GATA4: variants seen among roughly 807,000 people sequenced by gnomAD.
GATA4 encodes the protein transcription factor GATA-4.
Under a neutral mutation model 37.9 loss-of-function variants are expected in GATA4, and 7 were observed. The observed-to-expected ratio is 0.18, with a 90% CI of 0.11 to 0.35. GATA4 has a LOEUF of 0.35. GATA4 is among the 10% of genes least tolerant of loss of function. The probability of loss-of-function intolerance (pLI) is 1.00; values close to 1 mark genes in which losing one functional copy is unlikely to be tolerated. For missense variants in GATA4, 647 were observed against 653.0 expected, an observed-to-expected ratio of 0.99 and a Z score of 0.10; for synonymous variants, 372 against 292.6, an observed-to-expected ratio of 1.27 and a Z score of -2.77.
At chr8:11,755,235 G>C (rs1442695144) in intron 5 of GATA4, 102 bp downstream of exon 5, 2 of 917,980 alleles carry the variant, frequency 2.2e-6, no homozygotes, top group Non-Finnish European at 3.5e-6. Context: ...CGGGCCGCCA[G>C]GGGGTGGTGA....
intron 2 of GATA4, 37 bp from the exon 3 acceptor site, chr8:11,748,879 C>G: frequency 6.2e-7 from 1 of 1,606,248 alleles, no homozygotes; most frequent in Non-Finnish European, 8.5e-7. Context: ...AAGAATTAAT[C>G]CTCTGTGTCT....
Position 11,738,903 on chromosome 8 carries a change from C to G in GATA4, c.617-10013C>G, listed in dbSNP as rs974499460. ...ATCCAGGACCAGTGCCAGACTTTGT[C>G]CACAGCGTGACTGGAAAGCTCTTCA... On this transcript the variant is annotated intron_variant, in intron 2 of 6. Transcript: ENST00000532059. 4.6e-5 allele frequency among the ~76,000 whole-genome samples: 7 copies of G among 152,316 alleles called. No individual in the cohort carries two copies. The South Asian group carries it at 1.2e-3, about 27-fold the overall frequency.
chr8:11,737,006 C>G (rs998340625), intron 2 of GATA4, among the ~76,000 whole-genome samples: 3 of 151,932 alleles, frequency 2.0e-5, no homozygotes, highest in African/African-American at 7.3e-5. Flanking sequence ...CTAAACAGAT[C>G]CCTTGCAACT....
chr8:11,683,899 C>A (rs1255017694), intron 1 of GATA4, among the ~76,000 whole-genome samples: 1 of 152,230 alleles, frequency 6.6e-6, no homozygotes, highest in Non-Finnish European at 1.5e-5. Context: ...CCATTTGAAA[C>A]TGGCTCTGTG....
chr8:11,739,270 C>A (rs1217672335), intron 2 of GATA4, among the ~76,000 whole-genome samples: 2 of 152,250 alleles, frequency 1.3e-5, no homozygotes, highest in African/African-American at 4.8e-5. Flanking sequence ...AATAAACCAA[C>A]TCCAATTTCC....
intron 4 of GATA4, among the ~76,000 whole-genome samples, chr8:11,751,705 T>C (rs995605307): frequency 6.6e-6 from 1 of 152,326 alleles, no homozygotes; most frequent in Non-Finnish European, 1.5e-5. Flanking sequence ...ATGAAACATG[T>C]GCACATATGC....
At chr8:11,702,061 G>T (rs370657622), upstream of GATA4, among the ~76,000 whole-genome samples, 303 of 152,338 alleles carry the variant, frequency 2.0e-3, 18 homozygotes, top group South Asian at 0.059. The surrounding 1 kb of genome is among the most constrained non-coding windows in gnomAD (Gnocchi z 4.4). Flanking sequence ...AGAGCAGGGG[G>T]TTGAAGTTTA....
intron 2 of GATA4, among the ~76,000 whole-genome samples, chr8:11,724,867 G>T (rs1174044460): frequency 6.6e-5 from 10 of 152,194 alleles, no homozygotes. Flanking sequence ...AGGCCAAATA[G>T]GGAAGGAAGG....
At chr8:11,678,869 GA>G (rs1433680069) in intron 1 of GATA4, among the ~76,000 whole-genome samples, 3 of 151,776 alleles carry the variant, frequency 2.0e-5, no homozygotes, top group African/African-American at 7.3e-5. Context: ...TCTCAAGTTC[GA>G]TTAGGGGGGA....
At chr8:11,706,901 C>T (rs1054714617) in intron 1 of GATA4, among the ~76,000 whole-genome samples, 5 of 152,166 alleles carry the variant, frequency 3.3e-5, no homozygotes, top group Admixed American at 1.3e-4. Context: ...ATTCAGACAG[C>T]AGGTAATTCA....
chr8:11,680,373 G>T, intron 1 of GATA4: 1 of 557,758 alleles, frequency 1.8e-6, no homozygotes, highest in Non-Finnish European at 2.3e-6. Context: ...TAACTAACCA[G>T]GCCCCTCGGA....
At chr8:11,693,929 G>C (rs893660022) in intron 1 of GATA4, among the ~76,000 whole-genome samples, 1 of 152,222 alleles carries the variant, frequency 6.6e-6, no homozygotes, top group African/African-American at 2.4e-5. Context: ...GTGTGCATGT[G>C]TGTGCATGTG....
chr8:11,723,215 G>A (rs1279162832), intron 2 of GATA4, among the ~76,000 whole-genome samples: 11 of 152,032 alleles, frequency 7.2e-5, no homozygotes, highest in African/African-American at 2.4e-5. Context: ...AAATTAGGCA[G>A]GGGTGGTGGC....
At chr8:11,732,658 C>A (rs1194487307) in intron 2 of GATA4, among the ~76,000 whole-genome samples, 1 of 152,134 alleles carries the variant, frequency 6.6e-6, no homozygotes. Flanking sequence ...GGAAGAGGAG[C>A]CGACGGAATT....
upstream of GATA4, chr8:11,692,115 C>T (rs972648733): frequency 3.4e-6 from 3 of 883,086 alleles, no homozygotes; most frequent in Non-Finnish European, 2.7e-6. Context: ...GGCAGGAGCT[C>T]GGGCCACCTG....
At chr8:11,745,887 A>G (rs1802006103) in intron 2 of GATA4, among the ~76,000 whole-genome samples, 1 of 152,236 alleles carries the variant, frequency 6.6e-6, no homozygotes, top group Non-Finnish European at 1.5e-5. Context: ...AGGTACAGGT[A>G]AGACAAGATT....
At chr8:11,742,123 G>C (rs1277402638) in intron 2 of GATA4, among the ~76,000 whole-genome samples, 1 of 152,186 alleles carries the variant, frequency 6.6e-6, no homozygotes, top group African/African-American at 2.4e-5. Context: ...GACCAGGCAG[G>C]TGTGGAGGTG....
chr8:11,692,760 G>T, intron 1 of GATA4: 4 of 982,742 alleles, frequency 4.1e-6, no homozygotes, highest in Non-Finnish European at 4.8e-6. Context: ...GCGGACGGAC[G>T]GGGGGCGGGA....
intron 2 of GATA4, among the ~76,000 whole-genome samples, chr8:11,742,707 G>A (rs1336332057): frequency 3.3e-5 from 5 of 152,252 alleles, no homozygotes; most frequent in East Asian, 1.9e-4. Flanking sequence ...CGAGCCTGAC[G>A]AAGCCCAGAA....
Sources: gnomAD v4.1 joint callset for allele counts (sites outside exome capture counted in the v4.1 genomes callset) on GRCh38, gnomAD v4.1.1 for gene constraint, Gnocchi (gnomAD v3.1) non-coding constraint, MANE v1.5 for transcripts, NCBI Gene and HGNC (gene_info 2026-07-23, HGNC 2026-07-21) for gene names.